Variants in RDX observed in about 807,000 individuals in gnomAD.
RDX encodes radixin.
Under a neutral mutation model 83.7 loss-of-function variants are expected in RDX, and 32 were observed. That is an observed-to-expected ratio of 0.38 (90% CI 0.29 to 0.51). The LOEUF is 0.51. Among genes scored for constraint, RDX ranks in the 20% least tolerant of loss-of-function variants. The pLI, the probability that RDX is intolerant of heterozygous loss-of-function variation, is 0.87. For synonymous variants in RDX, 229 were observed against 222.7 expected (o/e 1.03, Z -0.25); for missense variants, 600 against 689.9 (o/e 0.87, Z 1.46).
intron 10 of RDX, among the ~76,000 whole-genome samples, chr11:110,239,484 G>A (rs1480252405): frequency 1.3e-5 from 2 of 152,168 alleles, no homozygotes; most frequent in Admixed American, 1.3e-4. Flanking sequence ...AAACTCGATA[G>A]CAGAAAACCA....
chr11:110,183,208 G>A (rs1004765784), intron 15 of RDX, among the ~76,000 whole-genome samples: 3 of 152,192 alleles, frequency 2.0e-5, no homozygotes, highest in African/African-American at 7.2e-5. Context: ...CCCAGGACCT[G>A]CCAGCTCCTC....
At chr11:110,190,526 T>C (rs1422254764) in intron 15 of RDX, among the ~76,000 whole-genome samples, 1 of 152,084 alleles carries the variant, frequency 6.6e-6, no homozygotes, top group East Asian at 1.9e-4. Flanking sequence ...TCTAACATGA[T>C]ACCTACAGGA....
intron 15 of RDX, among the ~76,000 whole-genome samples, chr11:110,183,681 T>C (rs574100023): frequency 6.6e-6 from 1 of 152,324 alleles, no homozygotes; most frequent in South Asian, 2.1e-4. Flanking sequence ...AGATGACCTT[T>C]TTTCTCTGCC....
intron 15 of RDX, among the ~76,000 whole-genome samples, chr11:110,176,098 T>C (rs11213289): frequency 0.032 from 4,825 of 150,740 alleles, 271 homozygotes; most frequent in African/African-American, 0.11. Context: ...CTTTTTTTTT[T>C]TTTCTGAGGC....
At position 110,231,713 on chromosome 11, in the gene RDX, T is replaced by C. The variant is rs186249296; in HGVS notation, c.*156A>G. 4.8e-3 allele frequency: 3,817 copies of C among 801,106 alleles called. 21 individuals carry two copies. The highest frequency in any genetic ancestry group is 6.3e-3 in the Non-Finnish European group (2,878 of 460,104). The allele number at this position is 801,106 out of a possible 1,614,324, so 49.6% of individuals were successfully genotyped here. Reference sequence around the variant, plus strand: ...AGCATGATATCATACTGCCTTAATGTTGAAGAGCTCCCCTTAAATTTGTCT... The same window carrying C: ...AGCATGATATCATACTGCCTTAATGCTGAAGAGCTCCCCTTAAATTTGTCT... On this transcript the variant is annotated 3_prime_UTR_variant, in exon 14 of 14. Transcript: ENST00000645495.
At chr11:110,216,213 CCTTT>C (rs982100135) in intron 14 of RDX, among the ~76,000 whole-genome samples, 5 of 152,074 alleles carry the variant, frequency 3.3e-5, no homozygotes, top group African/African-American at 9.7e-5. Flanking sequence ...GGACATACCG[CCTTT>C]CTGTCTTTTC....
At chr11:110,279,188 T>A (rs1295523781) in intron 2 of RDX, among the ~76,000 whole-genome samples, 7 of 152,176 alleles carry the variant, frequency 4.6e-5, no homozygotes, top group African/African-American at 1.2e-4. Context: ...ACTAATTATA[T>A]CCCATTTTAT....
chr11:110,179,066 T>C (rs1862830993), intron 15 of RDX, among the ~76,000 whole-genome samples: 1 of 152,072 alleles, frequency 6.6e-6, no homozygotes, highest in Non-Finnish European at 1.5e-5. Context: ...GAGCACAATT[T>C]TGAGGAGGGT....
chr11:110,248,780 G>T (rs569731876), intron 9 of RDX, among the ~76,000 whole-genome samples: 1 of 152,282 alleles, frequency 6.6e-6, no homozygotes, highest in East Asian at 1.9e-4. Context: ...ACAAAGGCAT[G>T]TATCTTAAAT....
intron 15 of RDX, among the ~76,000 whole-genome samples, chr11:110,199,117 A>C (rs1037946211): frequency 2.6e-5 from 4 of 152,114 alleles, no homozygotes; most frequent in Non-Finnish European, 5.9e-5. Context: ...ACCAGGCCTG[A>C]ATATGGATTT....
intron 5 of RDX, among the ~76,000 whole-genome samples, chr11:110,262,604 A>T (rs918711588): frequency 1.3e-5 from 2 of 151,766 alleles, no homozygotes; most frequent in Non-Finnish European, 2.9e-5. Context: ...AAAAAAAAAA[A>T]ATTAAAAAGT....
chr11:110,283,841 C>T (rs954554508), intron 1 of RDX, among the ~76,000 whole-genome samples: 3 of 149,838 alleles, frequency 2.0e-5, no homozygotes, highest in African/African-American at 7.3e-5. Flanking sequence ...TAAATCTCTA[C>T]ATAGGTAAAA....
At position 110,233,165 on chromosome 11, in the gene RDX, A is replaced by T. The variant is rs949468721; in HGVS notation, c.1587+72T>A. On this transcript the variant is annotated intron_variant, in intron 13 of 13. Transcript: ENST00000645495. The stretch of plus-strand genomic sequence containing the variant: ...TATTAAAACTTCTATATTCTTTTTA[A>T]CTAAGTTTGTCTAAGATGGGGAAAA... 109 of 1,582,884 alleles carry T rather than the reference A, an allele frequency of 6.9e-5. No individual in the cohort carries two copies. In the South Asian group the frequency reaches 1.1e-3, roughly 16 times the overall value.
intron 2 of RDX, chr11:110,272,822 G>A (rs1860358893): frequency 8.8e-6 from 5 of 566,424 alleles, no homozygotes; most frequent in Non-Finnish European, 1.3e-5. Flanking sequence ...TAAGCTATGG[G>A]CTTTCCATAC....
At position 110,293,392 on chromosome 11, in the gene RDX, T is replaced by A. The variant is rs141009830; in HGVS notation, c.-65+3075A>T. Among the ~76,000 whole-genome samples the A allele has an allele frequency of 6.4e-3, 980 of 152,310 alleles. 11 individuals carry two copies. The highest frequency in any genetic ancestry group is 0.021 in the African/African-American group (884 of 41,566). On this transcript the variant is annotated intron_variant, in intron 1 of 13. Coordinates refer to ENST00000645495, the MANE Select transcript of RDX (RefSeq NM_002906.4). Reference sequence around the variant, plus strand: ...AATATATCACTTTTATAGTTTTTTTTAAATGGCTTAAGCTATACATTCAAT... The same window carrying A: ...AATATATCACTTTTATAGTTTTTTTAAAATGGCTTAAGCTATACATTCAAT...
intron 15 of RDX, among the ~76,000 whole-genome samples, chr11:110,184,704 C>A (rs1862952547): frequency 6.6e-6 from 1 of 152,172 alleles, no homozygotes; most frequent in African/African-American, 2.4e-5. Context: ...GTGCAGCGGG[C>A]AGCCCACTCA....
intron 14 of RDX, among the ~76,000 whole-genome samples, chr11:110,213,084 AC>A (rs1863901584): frequency 6.6e-6 from 1 of 151,360 alleles, no homozygotes; most frequent in Non-Finnish European, 1.5e-5. Flanking sequence ...TATCTAGAAA[AC>A]CCCATTGTCT....
chr11:110,255,223 G>T, intron 8 of RDX, 66 bp downstream of exon 8: 2 of 845,286 alleles, frequency 2.4e-6, no homozygotes, highest in Non-Finnish European at 4.0e-6. Context: ...TATTCTTCAA[G>T]TGATATCATG....
chr11:110,268,988 T>A (rs958634581), intron 3 of RDX, among the ~76,000 whole-genome samples: 3 of 149,918 alleles, frequency 2.0e-5, no homozygotes, highest in Non-Finnish European at 3.0e-5. Flanking sequence ...TATATTTTTT[T>A]AATTAATTTA....
Sources: gnomAD v4.1 joint callset for allele counts (sites outside exome capture counted in the v4.1 genomes callset) on GRCh38, gnomAD v4.1.1 for gene constraint, MANE v1.5 for transcripts, NCBI Gene and HGNC (gene_info 2026-07-23, HGNC 2026-07-21) for gene names.